EEPD1: variants seen among roughly 807,000 people sequenced by gnomAD.
The protein encoded by EEPD1 is endonuclease/exonuclease/phosphatase family domain containing 1, also known as endonuclease/exonuclease/phosphatase family domain-containing protein 1.
In EEPD1, 17 loss-of-function variants were observed where a neutral mutation model predicts 46.3. The observed-to-expected ratio is 0.37, with a 90% confidence interval of 0.25 to 0.55. EEPD1 has a LOEUF of 0.55. EEPD1 is among the 20% of genes least tolerant of loss of function. The pLI is 0.83. For missense variants in EEPD1, 673 were observed against 745.6 expected, an observed-to-expected ratio of 0.90 and a Z score of 1.13; for synonymous variants, 313 against 315.6, an observed-to-expected ratio of 0.99 and a Z score of 0.09.
chr7:36,182,001 A>G (rs1264576041), intron 2 of EEPD1, among the ~76,000 whole-genome samples: 1 of 152,202 alleles, frequency 6.6e-6, no homozygotes, highest in Non-Finnish European at 1.5e-5. Flanking sequence ...GATGAAAGCC[A>G]TTGACAAGAA....
intron 2 of EEPD1, among the ~76,000 whole-genome samples, chr7:36,160,314 C>G (rs1784882703): frequency 6.6e-6 from 1 of 152,220 alleles, no homozygotes; most frequent in Non-Finnish European, 1.5e-5. Flanking sequence ...ACACATCAAT[C>G]ATTACAGATA....
At chr7:36,163,826 C>T (rs529662676) in intron 2 of EEPD1, among the ~76,000 whole-genome samples, 17 of 147,842 alleles carry the variant, frequency 1.1e-4, no homozygotes, top group South Asian at 6.4e-4. Context: ...TGCAGTGAGC[C>T]GAGATCATGC....
chr7:36,161,808 T>C (rs1411704064), intron 2 of EEPD1, among the ~76,000 whole-genome samples: 1 of 151,216 alleles, frequency 6.6e-6, no homozygotes, highest in Admixed American at 6.6e-5. Flanking sequence ...TCCCAGCTAC[T>C]CAGAAGGCCC....
intron 2 of EEPD1, among the ~76,000 whole-genome samples, chr7:36,188,703 C>T (rs1785409403): frequency 6.6e-6 from 1 of 152,046 alleles, no homozygotes; most frequent in Non-Finnish European, 1.5e-5. Flanking sequence ...AATTCTTCAT[C>T]CTTTTTCTCT....
chr7:36,163,901 A>T (rs1784941698), intron 2 of EEPD1, among the ~76,000 whole-genome samples: 1 of 150,254 alleles, frequency 6.7e-6, no homozygotes, highest in Admixed American at 6.6e-5. Flanking sequence ...AAAAAAAAAA[A>T]GCTATTCTGT....
chr7:36,177,436 A>G (rs1463952419), intron 2 of EEPD1, among the ~76,000 whole-genome samples: 1 of 152,118 alleles, frequency 6.6e-6, no homozygotes, highest in African/African-American at 2.4e-5. Context: ...CCCTTCTAGT[A>G]GTCCCCAGTG....
At position 36,287,156 on chromosome 7, in the gene EEPD1, GAACCC is replaced by G. The variant is rs926990119; in HGVS notation, c.1177-482_1177-478del. The stretch of plus-strand genomic sequence containing the variant: ...GGAGGCTGAGGCAGGAGAATCACTT[GAACCC>G]GGGAGGCAGAGGTTACAGTGAGCTG... On this transcript the variant is annotated intron_variant, in intron 5 of 7. Transcript: ENST00000242108. 4.4e-5 allele frequency among the ~76,000 whole-genome samples: 6 copies of G among 136,360 alleles called. No individual in the cohort carries two copies. In the Admixed American group the frequency reaches 5.1e-4, roughly 12 times the overall value. The allele number at this position is 136,360 out of a possible 152,430, so 89.5% of individuals were successfully genotyped here.
At chr7:36,180,992 T>C (rs1785261696) in intron 2 of EEPD1, among the ~76,000 whole-genome samples, 1 of 152,138 alleles carries the variant, frequency 6.6e-6, no homozygotes, top group Non-Finnish European at 1.5e-5. Context: ...GCAGCGTTTC[T>C]TAAAGCTGGG....
Position 36,271,882 on chromosome 7 carries a change from T to C in EEPD1, c.931-9233T>C, listed in dbSNP as rs1398846297. Among the ~76,000 whole-genome samples the C allele has an allele frequency of 2.2e-4, 4 of 18,560 alleles. 1 individual carries two copies. Among genetic ancestry groups the C allele is most frequent in the African/African-American group, 4.9e-4 (4 of 8,202 alleles). The allele number at this position is 18,560 out of a possible 152,430, so 12.2% of individuals were successfully genotyped here. ...TTCTATTCTATTCTATTCTATTCTA[T>C]TGTATTCTATTCTATTCGAGACAGA... On this transcript the variant is annotated intron_variant, in intron 3 of 7. Transcript: ENST00000242108.
At chr7:36,179,907 CG>C (rs1193049033) in intron 2 of EEPD1, among the ~76,000 whole-genome samples, 3 of 152,074 alleles carry the variant, frequency 2.0e-5, no homozygotes, top group African/African-American at 7.2e-5. Context: ...CTGAGTCACC[CG>C]AGGAGCCTTA....
rs114639109 is a variant in EEPD1, at chr7:36,298,287, T to C, written c.1511-720T>C. Among the ~76,000 whole-genome samples, 561 of 152,284 alleles carry C rather than the reference T, an allele frequency of 3.7e-3. 1 individual carries two copies. Among genetic ancestry groups the C allele is most frequent in the African/African-American group, 0.013 (525 of 41,560 alleles). On this transcript the variant is annotated intron_variant, in intron 7 of 7. Transcript: ENST00000242108. ...CTGAGCCAACAGGGCTGGAAGGAAG[T>C]TGGAAATCCTTTCAGTGGTTCCCTT...
chr7:36,215,249 G>A (rs908479980), intron 2 of EEPD1, among the ~76,000 whole-genome samples: 109 of 152,330 alleles, frequency 7.2e-4, no homozygotes, highest in African/African-American at 2.5e-3. Flanking sequence ...GCTGCACCAG[G>A]GCAGTAGGCG....
chr7:36,173,376 A>G (rs1046922296), intron 2 of EEPD1, among the ~76,000 whole-genome samples: 1 of 148,610 alleles, frequency 6.7e-6, no homozygotes, highest in Admixed American at 6.8e-5. Flanking sequence ...ATGTGCACCT[A>G]TAATCCCAGC....
intron 2 of EEPD1, among the ~76,000 whole-genome samples, chr7:36,167,044 C>T (rs1784996562): frequency 6.6e-6 from 1 of 152,178 alleles, no homozygotes; most frequent in Admixed American, 6.5e-5. Flanking sequence ...TTGCAGATGA[C>T]TGTCCTTTCC....
At chr7:36,187,924 G>A (rs1203562731) in intron 2 of EEPD1, among the ~76,000 whole-genome samples, 1 of 152,152 alleles carries the variant, frequency 6.6e-6, no homozygotes, top group East Asian at 1.9e-4. Flanking sequence ...AGCCTCCTGA[G>A]TAGCTGAGGA....
At chr7:36,219,676 A>T (rs549990872) in intron 2 of EEPD1, among the ~76,000 whole-genome samples, 14 of 151,354 alleles carry the variant, frequency 9.2e-5, no homozygotes, top group Non-Finnish European at 2.1e-4. Flanking sequence ...AAAGAAGGAA[A>T]GAAGGAAAGA....
intron 4 of EEPD1, 96 bp downstream of exon 4, chr7:36,281,321 C>A: frequency 9.1e-7 from 1 of 1,098,870 alleles, no homozygotes; most frequent in Non-Finnish European, 1.3e-6. Context: ...TTGCCAATAT[C>A]CCCGGTTCAA....
At chr7:36,277,926 A>T (rs1406528090) in intron 3 of EEPD1, among the ~76,000 whole-genome samples, 1 of 152,178 alleles carries the variant, frequency 6.6e-6, no homozygotes, top group Admixed American at 6.5e-5. Flanking sequence ...CTGCTTCCTT[A>T]GGGCTCCTAG....
intron 6 of EEPD1, among the ~76,000 whole-genome samples, chr7:36,289,926 T>C (rs1354123259): frequency 6.6e-6 from 1 of 152,240 alleles, no homozygotes; most frequent in Non-Finnish European, 1.5e-5. Context: ...ACAACGCTGC[T>C]GTGAAGATTG....
Sources: allele counts gnomAD v4.1 joint callset (sites outside exome capture counted in the v4.1 genomes callset), GRCh38; gene constraint gnomAD v4.1.1; transcripts MANE v1.5; gene names NCBI Gene and HGNC (gene_info 2026-07-23, HGNC 2026-07-21).